The following ATP2B2 variants were observed in gnomAD, a reference collection of about 807,000 sequenced individuals.
ATP2B2 encodes ATPase plasma membrane Ca2+ transporting 2.
Under a neutral mutation model 120.0 loss-of-function variants are expected in ATP2B2, and 15 were observed. That is an observed-to-expected ratio of 0.12 (90% CI 0.08 to 0.19). The LOEUF (loss-of-function observed/expected upper bound fraction) is 0.19, where lower values mean the gene tolerates loss of function less well. Among genes scored for constraint, ATP2B2 ranks in the 10% least tolerant of loss-of-function variants. The pLI, the probability that ATP2B2 is intolerant of heterozygous loss-of-function variation, is 1.00. For synonymous variants in ATP2B2, 694 were observed against 700.3 expected, an observed-to-expected ratio of 0.99 and a Z score of 0.14; for missense variants, 1,045 against 1,719.8, an observed-to-expected ratio of 0.61 and a Z score of 6.94.
intron 2 of ATP2B2, among the ~76,000 whole-genome samples, chr3:10,437,872 G>C (rs2063528037): frequency 6.6e-6 from 1 of 152,206 alleles, no homozygotes; most frequent in Admixed American, 6.5e-5. Context: ...TATACAAAGA[G>C]GAAATTTGGG....
chr3:10,649,957 T>C (rs1282347014), intron 1 of ATP2B2, among the ~76,000 whole-genome samples: 1 of 152,206 alleles, frequency 6.6e-6, no homozygotes, highest in Non-Finnish European at 1.5e-5. Context: ...CTTTCTTCTG[T>C]GAATTTCCCA....
At chr3:10,506,449 C>T (rs774682001), upstream of ATP2B2, among the ~76,000 whole-genome samples, 3 of 152,180 alleles carry the variant, frequency 2.0e-5, no homozygotes, top group Non-Finnish European at 1.5e-5. Flanking sequence ...ACCCAGGGAC[C>T]CCGGGTGAGG....
intron 12 of ATP2B2, 140 bp downstream of exon 12, chr3:10,371,669 C>T: frequency 1.6e-6 from 2 of 1,283,404 alleles, no homozygotes; most frequent in African/African-American, 1.5e-5. Context: ...CAAACAGAAA[C>T]ATGTTGCTTA....
Position 10,346,780 on chromosome 3 carries a change from C to T in ATP2B2, c.2405-643G>A, listed in dbSNP as rs557476211. 6.6e-6 allele frequency among the ~76,000 whole-genome samples: 1 copy of T among 152,322 alleles called. No homozygotes were observed. The highest frequency in any genetic ancestry group is 2.1e-4 in the South Asian group (1 of 4,826). On this transcript the variant is annotated intron_variant, in intron 16 of 22. Transcript: ENST00000360273. The surrounding 1 kb of genome is among the most constrained non-coding windows in gnomAD (Gnocchi z 4.1). ...GGGACCTGTGGAGTTTGTGGGACTC[C>T]TCATTCATGGGGCTTGCGAGCAGGG...
intron 22 of ATP2B2, chr3:10,331,879 C>G (rs549866095): frequency 7.8e-6 from 9 of 1,158,644 alleles, no homozygotes; most frequent in South Asian, 4.4e-5. Flanking sequence ...AGGCCCTGGT[C>G]TGAGATGGGT....
intron 2 of ATP2B2, among the ~76,000 whole-genome samples, chr3:10,420,337 TCC>T (rs2062931308): frequency 6.6e-6 from 1 of 150,866 alleles, no homozygotes; most frequent in African/African-American, 2.4e-5. Context: ...GCGGGTAACT[TCC>T]CCTCTCTGTG....
At chr3:10,696,170 G>T (rs1307537549) in intron 1 of ATP2B2, among the ~76,000 whole-genome samples, 1 of 152,148 alleles carries the variant, frequency 6.6e-6, no homozygotes, top group Non-Finnish European at 1.5e-5. Context: ...CTCCAACATG[G>T]AAACTGTCCA....
At chr3:10,583,223 C>G (rs761591795) in intron 2 of ATP2B2, among the ~76,000 whole-genome samples, 1 of 152,170 alleles carries the variant, frequency 6.6e-6, no homozygotes, top group Non-Finnish European at 1.5e-5. Flanking sequence ...CTAGAAGTCC[C>G]GTGGCTTGGA....
At chr3:10,703,809 C>A (rs995934205) in intron 1 of ATP2B2, among the ~76,000 whole-genome samples, 1 of 152,184 alleles carries the variant, frequency 6.6e-6, no homozygotes, top group Non-Finnish European at 1.5e-5. Context: ...AATGACTGGC[C>A]CATGAGGGCC....
chr3:10,350,225 G>A (rs748105085), intron 15 of ATP2B2, 26 bp from the exon 16 acceptor site: 1 of 1,573,944 alleles, frequency 6.4e-7, no homozygotes, highest in African/African-American at 1.3e-5. Context: ...GAAGGGGGCG[G>A]GTCGGTGGGG....
chr3:10,450,968 C>A (rs40509), intron 1 of ATP2B2, among the ~76,000 whole-genome samples: 1 of 151,958 alleles, frequency 6.6e-6, no homozygotes, highest in Non-Finnish European at 1.5e-5. Context: ...GGGCCCAGGA[C>A]GGTGAGGGGA....
At chr3:10,507,348 G>A (rs1264758602), upstream of ATP2B2, among the ~76,000 whole-genome samples, 1 of 152,088 alleles carries the variant, frequency 6.6e-6, no homozygotes, top group Non-Finnish European at 1.5e-5. Context: ...GGTGTAGTTG[G>A]GGGGATTCCA....
intron 3 of ATP2B2, among the ~76,000 whole-genome samples, chr3:10,531,752 T>C (rs529299684): frequency 6.6e-6 from 1 of 152,278 alleles, no homozygotes; most frequent in Admixed American, 6.5e-5. Flanking sequence ...AGGCTGGTAG[T>C]GAGGACAAGG....
At chr3:10,357,012 G>T (rs1262256786) in intron 14 of ATP2B2, among the ~76,000 whole-genome samples, 1 of 151,962 alleles carries the variant, frequency 6.6e-6, no homozygotes, top group Non-Finnish European at 1.5e-5. Flanking sequence ...ACTAGGCATG[G>T]TGTGGAAGAT....
In ATP2B2 at chr3:10,499,422, C is replaced by T. The variant is rs559753896; in HGVS notation, c.-320+6043G>A. 5.3e-5 allele frequency among the ~76,000 whole-genome samples: 8 copies of T among 152,282 alleles called. No homozygotes were observed. The East Asian group carries it at 5.8e-4, about 11-fold the overall frequency. ...ACTGGTTCAACCACACACAACCGAA[C>T]GCACATGACTGAATAAGCAATTCCC... On this transcript the variant is annotated intron_variant, in intron 1 of 22. Transcript: ENST00000360273.
At chr3:10,662,325 T>A (rs577951258) in intron 1 of ATP2B2, among the ~76,000 whole-genome samples, 10 of 151,488 alleles carry the variant, frequency 6.6e-5, no homozygotes, top group Non-Finnish European at 8.8e-5. Flanking sequence ...TGGGAAAAAA[T>A]TTTTGCAACC....
At position 10,350,415 on chromosome 3, in the gene ATP2B2, G is replaced by A. The variant is rs762199117; in HGVS notation, c.2299C>T (p.Arg767Cys). 8.1e-6 allele frequency: 13 copies of A among 1,614,192 alleles called. No homozygotes were observed. The highest frequency in any genetic ancestry group is 1.1e-5 in the Non-Finnish European group (13 of 1,180,024). Residue 767 changes from arginine (R) to cysteine (C), a missense_variant, in exon 15 of 23, where the codon CGC (arginine) becomes TGC (cysteine). Coordinates refer to ENST00000360273, the MANE Select transcript of ATP2B2 (RefSeq NM_001001331.4). ...LEGKEFNRRI[R>C]NEKGEIEQER... ...ACACGCACCTCCCCCTTCTCGTTGC[G>A]GATCCTCCTGTTGAACTCCTTGCCC... is the stretch of plus-strand genomic sequence containing the variant.
chr3:10,488,998 CA>C (rs2065836558), intron 1 of ATP2B2, among the ~76,000 whole-genome samples: 1 of 152,212 alleles, frequency 6.6e-6, no homozygotes, highest in Non-Finnish European at 1.5e-5. Context: ...TCTCTGAATT[CA>C]TCTCCTACCC....
At chr3:10,555,885 A>G (rs973539303) in intron 2 of ATP2B2, among the ~76,000 whole-genome samples, 1 of 152,150 alleles carries the variant, frequency 6.6e-6, no homozygotes, top group Non-Finnish European at 1.5e-5. Flanking sequence ...TCTTTGTGAG[A>G]GACAGGTCAG....
Sources: gnomAD v4.1 joint callset for allele counts (sites outside exome capture counted in the v4.1 genomes callset) on GRCh38, gnomAD v4.1.1 for gene constraint, Gnocchi (gnomAD v3.1) non-coding constraint, MANE v1.5 for transcripts, NCBI Gene and HGNC (gene_info 2026-07-23, HGNC 2026-07-21) for gene names.